Variants in DUSP22 observed in about 807,000 individuals in gnomAD.
DUSP22 encodes the protein dual specificity protein phosphatase 22.
Under a neutral mutation model 24.5 loss-of-function variants are expected in DUSP22, and 24 were observed. The observed-to-expected ratio is 0.98, with a 90% CI of 0.71 to 1.38. The LOEUF (loss-of-function observed/expected upper bound fraction) is 1.38. Among genes scored for constraint, DUSP22 ranks in the 40% most tolerant of loss-of-function variants. The pLI is 0.00. For synonymous variants in DUSP22, 160 were observed against 106.4 expected (o/e 1.50, Z -3.10); for missense variants, 330 against 269.2 (o/e 1.23, Z -1.58).
intron 1 of DUSP22, among the ~76,000 whole-genome samples, chr6:294,304 C>T (rs988281925): frequency 1.3e-5 from 2 of 152,268 alleles, no homozygotes; most frequent in Non-Finnish European, 2.9e-5. Context: ...CCTGCTTCAA[C>T]ACTTATTGAT....
At chr6:329,642 C>CG (rs1466518922) in intron 3 of DUSP22, among the ~76,000 whole-genome samples, 22 of 152,412 alleles carry the variant, frequency 1.4e-4, no homozygotes, top group Admixed American at 8.5e-4. Context: ...TTAGTAGAGA[C>CG]GGGGTTTTAC....
intron 6 of DUSP22, 30 bp downstream of exon 6, chr6:348,304 G>A: frequency 1.2e-6 from 2 of 1,613,302 alleles, no homozygotes; most frequent in South Asian, 1.1e-5. Flanking sequence ...CATCAGAGAT[G>A]CAGGCAGGTG....
chr6:336,728 AG>A (rs1484951545), intron 4 of DUSP22, among the ~76,000 whole-genome samples: 1 of 152,292 alleles, frequency 6.6e-6, no homozygotes, highest in African/African-American at 2.4e-5. Context: ...AGGATGGTGG[AG>A]GGGGGATTTT....
intron 4 of DUSP22, among the ~76,000 whole-genome samples, chr6:339,432 A>G (rs937892266): frequency 1.3e-5 from 2 of 152,308 alleles, no homozygotes; most frequent in Non-Finnish European, 2.9e-5. Context: ...AAGAGTATTA[A>G]TATGTTTTGA....
chr6:298,221 T>C (rs1386081438), intron 1 of DUSP22, among the ~76,000 whole-genome samples: 1 of 152,312 alleles, frequency 6.6e-6, no homozygotes, highest in African/African-American at 2.4e-5. Flanking sequence ...ATTCTCATAT[T>C]CTTCCCTTTT....
At chr6:319,699 A>G (rs931806174) in intron 3 of DUSP22, among the ~76,000 whole-genome samples, 1 of 152,306 alleles carries the variant, frequency 6.6e-6, no homozygotes. Context: ...GAAAGGTCCA[A>G]GTCTTTTGAA....
At chr6:311,994 T>C (rs755572383) in intron 3 of DUSP22, 32 bp downstream of exon 3, 1 of 1,597,886 alleles carries the variant, frequency 6.3e-7, no homozygotes, top group Non-Finnish European at 8.5e-7. Flanking sequence ...TGTGTGGGTG[T>C]CCTCATTTGT....
At chr6:339,618 T>C (rs1759510097) in intron 4 of DUSP22, among the ~76,000 whole-genome samples, 1 of 152,302 alleles carries the variant, frequency 6.6e-6, no homozygotes, top group Non-Finnish European at 1.5e-5. Context: ...GTATACATCA[T>C]TGCAGTAGCG....
chr6:312,739 T>A (rs1194686111), intron 3 of DUSP22, among the ~76,000 whole-genome samples: 1 of 152,304 alleles, frequency 6.6e-6, no homozygotes, highest in Non-Finnish European at 1.5e-5. Context: ...TAAATTTATA[T>A]TAGGCAAGAG....
intron 4 of DUSP22, among the ~76,000 whole-genome samples, chr6:344,392 C>T (rs1469446278): frequency 6.6e-6 from 1 of 152,304 alleles, no homozygotes; most frequent in African/African-American, 2.4e-5. Context: ...CTCAAGAGAT[C>T]CTCCCACCTC....
At chr6:307,567 C>G (rs896446222) in intron 2 of DUSP22, among the ~76,000 whole-genome samples, 1 of 152,302 alleles carries the variant, frequency 6.6e-6, no homozygotes, top group African/African-American at 2.4e-5. Flanking sequence ...AGCAGGCAGC[C>G]TTGCCCAGAA....
chr6:343,633 A>T (rs1759718158), intron 4 of DUSP22, among the ~76,000 whole-genome samples: 1 of 18,654 alleles, frequency 5.4e-5, no homozygotes, highest in African/African-American at 2.9e-4. Context: ...GCTTGTGGTG[A>T]CCCTTGCAGT....
chr6:342,750 T>C (rs1759669476), intron 4 of DUSP22, among the ~76,000 whole-genome samples: 1 of 151,776 alleles, frequency 6.6e-6, no homozygotes. Flanking sequence ...GGGGCAGAGA[T>C]AGATCACTTT....
intron 5 of DUSP22, among the ~76,000 whole-genome samples, chr6:346,771 T>C (rs1400690656): frequency 6.6e-6 from 1 of 152,310 alleles, no homozygotes; most frequent in Non-Finnish European, 1.5e-5. Context: ...CTGTAAGCTC[T>C]TTAGGACTGT....
At chr6:340,747 G>A (rs1361878107) in intron 4 of DUSP22, among the ~76,000 whole-genome samples, 22 of 152,418 alleles carry the variant, frequency 1.4e-4, no homozygotes, top group Non-Finnish European at 2.9e-4. Flanking sequence ...GGTAGGGCCA[G>A]CTGCCATTCA....
intron 4 of DUSP22, among the ~76,000 whole-genome samples, chr6:341,930 A>G (rs1488955155): frequency 2.0e-5 from 3 of 152,294 alleles, no homozygotes; most frequent in Non-Finnish European, 4.4e-5. Flanking sequence ...GAGATGTGGC[A>G]AGGCTGACTC....
At chr6:332,473 C>G (rs1474643201) in intron 3 of DUSP22, among the ~76,000 whole-genome samples, 2 of 152,310 alleles carry the variant, frequency 1.3e-5, no homozygotes, top group African/African-American at 2.4e-5. Flanking sequence ...GCTCCTGCCT[C>G]ATGGGACCAG....
intron 3 of DUSP22, chr6:320,323 A>C (rs1440252379): frequency 2.0e-5 from 3 of 152,898 alleles, no homozygotes; most frequent in Non-Finnish European, 4.4e-5. Context: ...GTGTCTGAGC[A>C]TTTCCTCCTG....
chr6:327,795 A>G (rs1225650695), intron 3 of DUSP22, among the ~76,000 whole-genome samples: 3 of 152,298 alleles, frequency 2.0e-5, no homozygotes, highest in Non-Finnish European at 4.4e-5. Flanking sequence ...AGAGAAAACC[A>G]CAGGGACTTG....
Sources: gnomAD v4.1 joint callset for allele counts (sites outside exome capture counted in the v4.1 genomes callset) on GRCh38, gnomAD v4.1.1 for gene constraint, MANE v1.5 for transcripts, NCBI Gene and HGNC (gene_info 2026-07-23, HGNC 2026-07-21) for gene names.